ROR1: variants seen among roughly 807,000 people sequenced by gnomAD.
The protein encoded by ROR1 is inactive tyrosine-protein kinase transmembrane receptor ROR1.
A neutral mutation model predicts 78.8 loss-of-function variants in ROR1; 19 were observed. The ratio of observed to expected loss-of-function variants is 0.24; its 90% confidence interval spans 0.17 to 0.35. The LOEUF (loss-of-function observed/expected upper bound fraction) is 0.35. ROR1 is among the 10% of genes least tolerant of loss of function. ROR1 has a pLI of 1.00. For synonymous variants in ROR1, 386 were observed against 433.6 expected (o/e 0.89, Z 1.36); for missense variants, 917 against 1,177.8 (o/e 0.78, Z 3.24).
At chr1:63,796,537 T>C (rs1235563171) in intron 1 of ROR1, among the ~76,000 whole-genome samples, 1 of 152,204 alleles carries the variant, frequency 6.6e-6, no homozygotes, top group Non-Finnish European at 1.5e-5. Flanking sequence ...CAAATGCATA[T>C]TAAAATATAG....
intron 2 of ROR1, among the ~76,000 whole-genome samples, chr1:64,021,065 A>G (rs571865353): frequency 6.6e-6 from 1 of 151,052 alleles, no homozygotes; most frequent in African/African-American, 2.4e-5. Context: ...TAGTTGATCT[A>G]GCAGCTTAGG....
intron 2 of ROR1, among the ~76,000 whole-genome samples, chr1:64,038,538 A>C (rs1202943106): frequency 6.6e-6 from 1 of 152,174 alleles, no homozygotes; most frequent in African/African-American, 2.4e-5. Context: ...TTTTTAAAAA[A>C]ATTCCACCGA....
chr1:63,806,518 T>C (rs574291088), intron 1 of ROR1, among the ~76,000 whole-genome samples: 29 of 152,208 alleles, frequency 1.9e-4, no homozygotes, highest in Admixed American at 4.6e-4. Flanking sequence ...GGAGTTTCAC[T>C]GCGTTAGCCA....
At chr1:64,159,340 C>T (rs1649869876) in intron 8 of ROR1, 148 bp downstream of exon 8, 1 of 647,370 alleles carries the variant, frequency 1.5e-6, no homozygotes, top group African/African-American at 1.8e-5. Context: ...CAAAGACGAA[C>T]TACCTACCTC....
intron 1 of ROR1, among the ~76,000 whole-genome samples, chr1:63,886,842 C>T (rs915527170): frequency 5.9e-5 from 9 of 152,176 alleles, no homozygotes; most frequent in Admixed American, 3.3e-4. Flanking sequence ...CACCCTGAGC[C>T]GGGCTGTGGA....
At chr1:63,900,729 A>G (rs1645478321) in intron 1 of ROR1, among the ~76,000 whole-genome samples, 1 of 151,908 alleles carries the variant, frequency 6.6e-6, no homozygotes. Context: ...TTTATTTACC[A>G]CTCATCTATT....
intron 1 of ROR1, among the ~76,000 whole-genome samples, chr1:63,977,117 C>CA (rs1646167930): frequency 6.6e-6 from 1 of 152,080 alleles, no homozygotes; most frequent in Non-Finnish European, 1.5e-5. Flanking sequence ...GGAACTCACT[C>CA]ACTATCACGA....
Position 64,014,740 on chromosome 1 carries a change from CTATATATATATATATATA to C in ROR1, c.163+5381_163+5398del, listed in dbSNP as rs1208813882. Among the ~76,000 whole-genome samples the C allele has an allele frequency of 6.5e-4, 19 of 29,058 alleles. 2 individuals carry two copies. The Middle Eastern group carries it at 0.062, about 96-fold the overall frequency. 19.1% of individuals were successfully genotyped at this position (29,058 alleles called of 152,430 possible). On this transcript the variant is annotated intron_variant, in intron 2 of 8. Transcript: ENST00000371079. The stretch of plus-strand genomic sequence containing the variant: ...ATATATATATATACACATACGCACA[CTATATATATATATATATA>C]TATATATATATATATACACATTTTG...
At chr1:64,048,643 T>A (rs1036318991) in intron 2 of ROR1, among the ~76,000 whole-genome samples, 2 of 152,228 alleles carry the variant, frequency 1.3e-5, no homozygotes, top group African/African-American at 4.8e-5. Context: ...AATAATTTTA[T>A]CTGCAATTGG....
intron 7 of ROR1, among the ~76,000 whole-genome samples, chr1:64,158,142 G>A (rs4284286): frequency 0.27 from 41,259 of 152,044 alleles, 5,878 homozygotes; most frequent in East Asian, 0.36. Context: ...AGTATGTCTC[G>A]TGTTCTACAC....
intron 8 of ROR1, among the ~76,000 whole-genome samples, chr1:64,174,105 A>G (rs934472011): frequency 1.3e-5 from 2 of 152,184 alleles, no homozygotes; most frequent in Non-Finnish European, 2.9e-5. Context: ...TTCCTGGATG[A>G]CTTTCCTAAT....
Position 64,177,795 on chromosome 1 carries a change from C to T in ROR1, c.1754C>T (p.Ser585Phe), listed in dbSNP as rs200565723. Residue 585 changes from serine to phenylalanine, a missense_variant, in exon 9 of 9, where the codon TCC becomes TTC. Around this residue, in one of 3 missense-constraint regions of ROR1, gnomAD observed 835 missense variants for 1,069.8 expected, o/e 0.78. Coordinates refer to ENST00000371079, the MANE Select transcript of ROR1 (RefSeq NM_005012.4). Reference protein sequence around the residue: ...CSSDEDGTVKSSLDHGDFLHI... With the variant: ...CSSDEDGTVKFSLDHGDFLHI... Reference sequence around the variant, plus strand: ...AGTGATGAAGATGGGACTGTGAAATCCAGCCTGGACCACGGAGATTTTCTG... The same window carrying T: ...AGTGATGAAGATGGGACTGTGAAATTCAGCCTGGACCACGGAGATTTTCTG... The T allele has an allele frequency of 5.6e-6, 9 of 1,614,000 alleles. No individual in the cohort carries two copies. Among genetic ancestry groups the T allele is most frequent in the African/African-American group, 1.3e-5 (1 of 74,926 alleles).
At chr1:63,832,923 T>G (rs1276977306) in intron 1 of ROR1, among the ~76,000 whole-genome samples, 1 of 152,214 alleles carries the variant, frequency 6.6e-6, no homozygotes, top group Non-Finnish European at 1.5e-5. Flanking sequence ...CATCCACATC[T>G]GCCATTACAA....
intron 4 of ROR1, among the ~76,000 whole-genome samples, chr1:64,124,660 C>T (rs1372168527): frequency 3.3e-5 from 5 of 152,144 alleles, no homozygotes; most frequent in African/African-American, 4.8e-5. Flanking sequence ...GTGAAACGTA[C>T]GTCCATCAGT....
intron 1 of ROR1, among the ~76,000 whole-genome samples, chr1:63,930,179 T>G (rs566568040): frequency 2.0e-4 from 31 of 152,124 alleles, no homozygotes; most frequent in Non-Finnish European, 3.4e-4. Flanking sequence ...TGTGTTTTCA[T>G]TGTTTAATGG....
At chr1:64,112,798 C>G (rs1569786802) in intron 4 of ROR1, among the ~76,000 whole-genome samples, 1 of 114,282 alleles carries the variant, frequency 8.8e-6, no homozygotes, top group Non-Finnish European at 1.9e-5. Flanking sequence ...ATAGGTTCAA[C>G]TGGCAGTTCT....
At chr1:63,870,936 G>T (rs1315677082) in intron 1 of ROR1, among the ~76,000 whole-genome samples, 1 of 152,178 alleles carries the variant, frequency 6.6e-6, no homozygotes, top group Non-Finnish European at 1.5e-5. Context: ...CTTTGCTCTG[G>T]CACTAGCTTG....
chr1:64,013,044 C>T (rs748454500), intron 2 of ROR1, among the ~76,000 whole-genome samples: 19 of 152,142 alleles, frequency 1.2e-4, no homozygotes, highest in Non-Finnish European at 1.8e-4. Context: ...GCAAGCCTCT[C>T]AACCTATCTG....
intron 1 of ROR1, among the ~76,000 whole-genome samples, chr1:63,850,197 T>A (rs936967154): frequency 6.6e-6 from 1 of 152,256 alleles, no homozygotes; most frequent in Non-Finnish European, 1.5e-5. Context: ...ACCTTGTTAA[T>A]TTAGGAATTG....
Sources: gnomAD v4.1 joint callset for allele counts (sites outside exome capture counted in the v4.1 genomes callset) on GRCh38, gnomAD v4.1.1 for gene constraint, gnomAD v4.1.1 regional missense constraint, MANE v1.5 for transcripts, NCBI Gene and HGNC (gene_info 2026-07-23, HGNC 2026-07-21) for gene names.